DCPH1: variants seen among roughly 807,000 people sequenced by gnomAD.
DCPH1 encodes damage-control phosphatase 1.
chr6:151,452,814 C>T, the DCPH1 span: 5 of 495,730 alleles, frequency 1.0e-5, no homozygotes, highest in Non-Finnish European at 1.8e-5. Flanking sequence ...AGGATCAGGA[C>T]AGGGGTCAGC....
chr6:151,468,667 C>T, the DCPH1 span: 2 of 1,613,656 alleles, frequency 1.2e-6, no homozygotes, highest in Non-Finnish European at 1.7e-6. Context: ...TACTACTATA[C>T]ATGATTTTAA....
the DCPH1 span, among the ~76,000 whole-genome samples, chr6:151,467,941 G>A: frequency 6.6e-6 from 1 of 152,214 alleles, no homozygotes. Context: ...GGACAGTTCT[G>A]CAGGGCCAAG....
chr6:151,461,478 C>CG, the DCPH1 span, among the ~76,000 whole-genome samples: 1 of 152,148 alleles, frequency 6.6e-6, no homozygotes, highest in Non-Finnish European at 1.5e-5. Context: ...TGAGATCAGC[C>CG]TGGCCAACAT....
At chr6:151,468,936 A>C in the DCPH1 span, 565 of 1,614,048 alleles carry the variant, frequency 3.5e-4, no homozygotes, top group Admixed American at 1.0e-3. Context: ...TTTCTGTTCC[A>C]TTTCATCAGG....
At chr6:151,467,401 T>C in the DCPH1 span, among the ~76,000 whole-genome samples, 1 of 152,016 alleles carries the variant, frequency 6.6e-6, no homozygotes, top group Non-Finnish European at 1.5e-5. Context: ...GAGATGGAAA[T>C]TAGCCTGGTC....
the DCPH1 span, chr6:151,468,377 T>A: frequency 3.9e-5 from 61 of 1,577,472 alleles, no homozygotes; most frequent in Non-Finnish European, 5.1e-5. Context: ...GATCTGTCTC[T>A]CTCAGGTGGA....
the DCPH1 span, chr6:151,458,243 T>G: frequency 2.0e-6 from 3 of 1,493,062 alleles, no homozygotes; most frequent in South Asian, 4.1e-5. Flanking sequence ...TTTCTTTTCT[T>G]CTTAAGTCTG....
the DCPH1 span, among the ~76,000 whole-genome samples, chr6:151,468,175 T>G: frequency 1.3e-5 from 2 of 152,352 alleles, no homozygotes; most frequent in Middle Eastern, 6.8e-3. Flanking sequence ...CAGCATCATG[T>G]GAAATAATTT....
chr6:151,468,991 T>C, the DCPH1 span: 18 of 1,614,102 alleles, frequency 1.1e-5, no homozygotes, highest in Non-Finnish European at 1.4e-5. Context: ...CATAAGAACA[T>C]TAAAAGCTGA....
At chr6:151,454,663 G>A in the DCPH1 span, 6 of 1,322,740 alleles carry the variant, frequency 4.5e-6, no homozygotes, top group African/African-American at 1.5e-5. Context: ...GGTAAGAATT[G>A]TTTTAACTTT....
chr6:151,457,010 A>G, the DCPH1 span, among the ~76,000 whole-genome samples: 1 of 152,190 alleles, frequency 6.6e-6, no homozygotes, highest in Non-Finnish European at 1.5e-5. Context: ...ATTGACACAG[A>G]TAAAGTCTGC....
At chr6:151,464,370 G>T in the DCPH1 span, 5 of 892,992 alleles carry the variant, frequency 5.6e-6, no homozygotes, top group Non-Finnish European at 8.8e-6. Context: ...TATTGAGACT[G>T]TATGGTGCTA....
chr6:151,468,272 T>C, the DCPH1 span: 7 of 1,012,186 alleles, frequency 6.9e-6, no homozygotes, highest in Non-Finnish European at 1.0e-5. Context: ...TGTCCCCCCA[T>C]CCCGCTACAT....
At chr6:151,461,619 C>CGA in the DCPH1 span, among the ~76,000 whole-genome samples, 1 of 152,010 alleles carries the variant, frequency 6.6e-6, no homozygotes, top group Non-Finnish European at 1.5e-5. Context: ...TGCAGTGAGC[C>CGA]GAGATTGTGC....
the DCPH1 span, among the ~76,000 whole-genome samples, chr6:151,457,958 G>A: frequency 6.6e-6 from 1 of 152,090 alleles, no homozygotes; most frequent in South Asian, 2.1e-4. Context: ...AAAAATTTGA[G>A]CTACCAAAAG....
chr6:151,468,222 A>G, the DCPH1 span: 1 of 635,382 alleles, frequency 1.6e-6, no homozygotes, highest in Admixed American at 3.0e-5. Context: ...TTTGATGGTC[A>G]TGTAAAGAGT....
At chr6:151,466,012 G>A in the DCPH1 span, among the ~76,000 whole-genome samples, 1 of 152,154 alleles carries the variant, frequency 6.6e-6, no homozygotes, top group East Asian at 1.9e-4. Flanking sequence ...TCCGTCTCCC[G>A]GGTTTAAGCA....
the DCPH1 span, among the ~76,000 whole-genome samples, chr6:151,465,758 A>G: frequency 3.3e-5 from 5 of 152,180 alleles, no homozygotes; most frequent in African/African-American, 7.2e-5. Context: ...AGTTGGTAGC[A>G]TAAGAGTTAG....
chr6:151,457,897 C>T, the DCPH1 span, among the ~76,000 whole-genome samples: 1 of 151,974 alleles, frequency 6.6e-6, no homozygotes, highest in Non-Finnish European at 1.5e-5. Flanking sequence ...CCTTGTTTGT[C>T]AGCATATGTC....
Sources: allele counts gnomAD v4.1 joint callset (sites outside exome capture counted in the v4.1 genomes callset), GRCh38; gene constraint gnomAD v4.1.1; transcripts MANE v1.5; gene names NCBI Gene and HGNC (gene_info 2026-07-23, HGNC 2026-07-21).